RPS6KC1: variants seen among roughly 807,000 people sequenced by gnomAD.
The protein encoded by RPS6KC1 is ribosomal protein S6 kinase C1.
In RPS6KC1, 54 loss-of-function variants were observed where a neutral mutation model predicts 103.8. The ratio of observed to expected loss-of-function variants is 0.52; its 90% CI spans 0.42 to 0.65. The LOEUF (loss-of-function observed/expected upper bound fraction) is 0.65, where lower values mean the gene tolerates loss of function less well. Ranked by LOEUF, RPS6KC1 falls within the 30% of genes least tolerant of loss-of-function variation. The pLI, the probability that RPS6KC1 is intolerant of heterozygous loss-of-function variation, is 0.00. For missense variants in RPS6KC1, 1,151 were observed against 1,253.8 expected, an observed-to-expected ratio of 0.92 and a Z score of 1.24; for synonymous variants, 439 against 438.7, an observed-to-expected ratio of 1.00 and a Z score of -0.01.
intron 10 of RPS6KC1, among the ~76,000 whole-genome samples, chr1:213,237,321 C>G (rs1370529104): frequency 3.3e-5 from 5 of 152,042 alleles, no homozygotes; most frequent in African/African-American, 1.2e-4. Context: ...TCAATTTCCT[C>G]ATCTGTAAAA....
intron 1 of RPS6KC1, among the ~76,000 whole-genome samples, chr1:213,069,233 C>T (rs2078648123): frequency 6.6e-6 from 1 of 152,068 alleles, no homozygotes; most frequent in Admixed American, 6.5e-5. Context: ...TATTGCATAG[C>T]ACTGTAGTAT....
chr1:213,625,219 G>C, the RPS6KC1 span, among the ~76,000 whole-genome samples: 1 of 151,676 alleles, frequency 6.6e-6, no homozygotes, highest in East Asian at 1.9e-4. Context: ...AAAAGAAAAA[G>C]AAAAAAAAGC....
the RPS6KC1 span, among the ~76,000 whole-genome samples, chr1:213,762,391 C>T: frequency 6.6e-6 from 1 of 152,100 alleles, no homozygotes; most frequent in Non-Finnish European, 1.5e-5. Context: ...ACAGCTTCCC[C>T]CAGCATCCTG....
At chr1:213,527,178 A>G in the RPS6KC1 span, among the ~76,000 whole-genome samples, 1 of 152,176 alleles carries the variant, frequency 6.6e-6, no homozygotes, top group Admixed American at 6.5e-5. Context: ...ACATCTCTTT[A>G]TCTTGCTTTG....
intron 8 of RPS6KC1, among the ~76,000 whole-genome samples, chr1:213,222,210 G>A (rs1267362711): frequency 6.6e-6 from 1 of 152,094 alleles, no homozygotes; most frequent in Non-Finnish European, 1.5e-5. Context: ...TGCTATGTGG[G>A]AAGTTCTAGC....
At chr1:213,450,613 C>T in the RPS6KC1 span, among the ~76,000 whole-genome samples, 3 of 152,110 alleles carry the variant, frequency 2.0e-5, no homozygotes, top group African/African-American at 7.2e-5. Flanking sequence ...TCCTTTGTCT[C>T]CTGGAGTCAG....
chr1:213,476,266 T>C, the RPS6KC1 span, among the ~76,000 whole-genome samples: 2 of 152,184 alleles, frequency 1.3e-5, no homozygotes, highest in African/African-American at 4.8e-5. Flanking sequence ...ACGTGCTGGC[T>C]GCTTTCCTCT....
chr1:213,100,608 T>C (rs2148739252), intron 3 of RPS6KC1, among the ~76,000 whole-genome samples: 1 of 152,256 alleles, frequency 6.6e-6, no homozygotes, highest in South Asian at 2.1e-4. Flanking sequence ...TTTGGAGTTC[T>C]CAATGTCTGT....
At chr1:213,658,096 G>A in the RPS6KC1 span, among the ~76,000 whole-genome samples, 1,034 of 152,290 alleles carry the variant, frequency 6.8e-3, 8 homozygotes, top group Non-Finnish European at 8.2e-3. Context: ...ATGCTTGTGC[G>A]CACTGTAAAG....
the RPS6KC1 span, among the ~76,000 whole-genome samples, chr1:213,618,021 C>T: frequency 6.6e-6 from 1 of 152,184 alleles, no homozygotes; most frequent in Admixed American, 6.5e-5. Flanking sequence ...TTCATTCATT[C>T]ATCCCACAAT....
rs574814829 is a variant in RPS6KC1 at position 213,054,586 on chromosome 1, A to G, written c.105+3077A>G. 3.3e-5 allele frequency among the ~76,000 whole-genome samples: 5 copies of G among 152,326 alleles called. No individual in the cohort carries two copies. In the South Asian group the frequency reaches 6.2e-4, roughly 19 times the overall value. Reference sequence around the variant, plus strand: ...TTCTAGCTTCAAGGAACAATTTTCTATATTTTTGATCCTTGCAGGGTTATT... The same window carrying G: ...TTCTAGCTTCAAGGAACAATTTTCTGTATTTTTGATCCTTGCAGGGTTATT... On this transcript the variant is annotated intron_variant, in intron 1 of 14. Coordinates refer to ENST00000366960, the MANE Select transcript of RPS6KC1 (RefSeq NM_012424.6).
At chr1:213,528,548 C>G in the RPS6KC1 span, among the ~76,000 whole-genome samples, 1 of 152,150 alleles carries the variant, frequency 6.6e-6, no homozygotes, top group South Asian at 2.1e-4. Flanking sequence ...ACAATGTGCT[C>G]TTGACACTGG....
intron 4 of RPS6KC1, among the ~76,000 whole-genome samples, chr1:213,115,620 T>A (rs1239564345): frequency 6.6e-6 from 1 of 152,036 alleles, no homozygotes. Context: ...TGCTCTTGCT[T>A]TTCTAGTTCT....
At chr1:213,663,748 G>T in the RPS6KC1 span, among the ~76,000 whole-genome samples, 2 of 152,278 alleles carry the variant, frequency 1.3e-5, no homozygotes, top group Admixed American at 6.5e-5. Context: ...AGGTGCCTAG[G>T]TGCCTGGCCC....
the RPS6KC1 span, among the ~76,000 whole-genome samples, chr1:213,595,375 A>G: frequency 6.6e-6 from 1 of 152,166 alleles, no homozygotes; most frequent in African/African-American, 2.4e-5. Context: ...CCTCCCAAAC[A>G]TAGTGGATAC....
At chr1:213,717,180 A>G in the RPS6KC1 span, among the ~76,000 whole-genome samples, 1 of 152,236 alleles carries the variant, frequency 6.6e-6, no homozygotes, top group Admixed American at 6.5e-5. Flanking sequence ...TGAAAAAGGC[A>G]TAGCCCTGCC....
At position 213,241,885 on chromosome 1, in the gene RPS6KC1, A is replaced by G; in HGVS notation, c.2409A>G (p.Gly803=). The part of the protein sequence containing the change: ...PSSDPKFQGL[G]VVESAVTANN... ...CAGATCCTAAGTTTCAAGGACTTGGAGTGGTTGAGTCAGCAGTAACTGCAA... is the reference window on the plus strand; with the variant it reads ...CAGATCCTAAGTTTCAAGGACTTGGGGTGGTTGAGTCAGCAGTAACTGCAA... The change falls in exon 11 of 15, where the codon GGA becomes GGG. Residue 803 remains glycine, a synonymous_variant. Coordinates refer to ENST00000366960, the MANE Select transcript of RPS6KC1 (RefSeq NM_012424.6). 6.2e-7 allele frequency: 1 copy of G among 1,614,020 alleles called. No individual in the cohort carries two copies. Among genetic ancestry groups the G allele is most frequent in the Non-Finnish European group, 8.5e-7 (1 of 1,179,954 alleles).
chr1:213,079,950 CTT>C (rs890600164), intron 3 of RPS6KC1, among the ~76,000 whole-genome samples: 10 of 137,294 alleles, frequency 7.3e-5, no homozygotes, highest in African/African-American at 2.8e-4. Flanking sequence ...AAATTTCACT[CTT>C]GTCACCCAGA....
intron 1 of RPS6KC1, among the ~76,000 whole-genome samples, chr1:213,065,226 C>T (rs1158289532): frequency 1.3e-5 from 2 of 151,922 alleles, no homozygotes; most frequent in Admixed American, 6.6e-5. Flanking sequence ...CCACCCTCCT[C>T]GGCCTCCCAA....
Sources: gnomAD v4.1 joint callset for allele counts (sites outside exome capture counted in the v4.1 genomes callset) on GRCh38, gnomAD v4.1.1 for gene constraint, MANE v1.5 for transcripts, NCBI Gene and HGNC (gene_info 2026-07-23, HGNC 2026-07-21) for gene names.